Variants in PCDH11X observed in about 807,000 individuals in gnomAD.
PCDH11X encodes the protein protocadherin 11 X-linked.
PCDH11X carries 18 observed loss-of-function variants against 53.3 expected under a neutral mutation model. The ratio of observed to expected loss-of-function variants is 0.34; its 90% CI spans 0.23 to 0.50. PCDH11X has a LOEUF of 0.50. PCDH11X is among the 20% of genes least tolerant of loss of function. The pLI is 0.98. For missense variants in PCDH11X, 570 were observed against 1,032.4 expected (o/e 0.55, Z 6.14); for synonymous variants, 279 against 393.3 (o/e 0.71, Z 3.44).
intron 6 of PCDH11X, among the ~76,000 whole-genome samples, chrX:91,947,846 C>T (rs1444623125): frequency 2.0e-5 from 2 of 102,425 alleles, no homozygotes; most frequent in African/African-American, 7.0e-5. Flanking sequence ...CTCCCAATTA[C>T]CCAAATTTCT....
chrX:92,544,305 G>A (rs1412353554), intron 10 of PCDH11X, among the ~76,000 whole-genome samples: 1 of 111,395 alleles, frequency 9.0e-6, no homozygotes, highest in Non-Finnish European at 1.9e-5. Flanking sequence ...AGTTATGCTT[G>A]GAGAAAATAT....
chrX:92,317,902 C>A (rs958690193), intron 8 of PCDH11X, among the ~76,000 whole-genome samples: 2 of 111,137 alleles, frequency 1.8e-5, no homozygotes, highest in African/African-American at 3.3e-5. Flanking sequence ...ACTTAAAAGA[C>A]CTCAACATAC....
intron 7 of PCDH11X, among the ~76,000 whole-genome samples, chrX:92,202,320 C>T (rs1373910316): frequency 3.6e-5 from 4 of 111,272 alleles, no homozygotes; most frequent in African/African-American, 1.3e-4. Context: ...CAGTTAAATT[C>T]TACCATTTTG....
At position 92,210,670 on chromosome X, in the gene PCDH11X, CTCT is replaced by C. The variant is rs2066569078; in HGVS notation, c.3114+9217_3114+9219del. 3.6e-5 allele frequency among the ~76,000 whole-genome samples: 4 copies of C among 111,803 alleles called. No individual in the cohort carries two copies. In the Admixed American group the frequency reaches 3.8e-4, roughly 11 times the overall value. On this transcript the variant is annotated intron_variant, in intron 7 of 10. Coordinates refer to ENST00000682573, the MANE Select transcript of PCDH11X (RefSeq NM_032968.5). ...CTTTGTTTATGCAAGTGAATATAGG[CTCT>C]TAGAAGCAGCCTGGTCACACCTTGA...
intron 9 of PCDH11X, among the ~76,000 whole-genome samples, chrX:92,408,109 TCCTGA>T: frequency 9.0e-6 from 1 of 110,878 alleles, no homozygotes; most frequent in South Asian, 3.8e-4. Flanking sequence ...GGTCTCGAAC[TCCTGA>T]CCTTGTGATC....
intron 6 of PCDH11X, among the ~76,000 whole-genome samples, chrX:92,030,033 G>C (rs769799711): frequency 1.4e-4 from 16 of 111,914 alleles, no homozygotes; most frequent in Admixed American, 2.8e-4. Flanking sequence ...CACGATCTCG[G>C]CTCACTACAA....
chrX:92,567,035 T>C (rs1372241251), intron 10 of PCDH11X, among the ~76,000 whole-genome samples: 1 of 103,413 alleles, frequency 9.7e-6, no homozygotes, highest in Non-Finnish European at 2.0e-5. Flanking sequence ...AGCCTTGTAG[T>C]ATAGTTTGAA....
chrX:92,049,705 A>G (rs2063339650), intron 6 of PCDH11X, among the ~76,000 whole-genome samples: 1 of 111,622 alleles, frequency 9.0e-6, no homozygotes, highest in Non-Finnish European at 1.9e-5. Flanking sequence ...TTTAGTTATT[A>G]TATTTTTATA....
chrX:92,417,820 A>ATTTTTTT (rs61034265), intron 9 of PCDH11X, among the ~76,000 whole-genome samples: 17 of 67,540 alleles, frequency 2.5e-4, no homozygotes, highest in African/African-American at 4.7e-4. Context: ...CTTTTCTTCC[A>ATTTTTTT]TTTTTTTTTT....
intron 6 of PCDH11X, among the ~76,000 whole-genome samples, chrX:92,048,643 G>A (rs2063326687): frequency 8.9e-6 from 1 of 111,998 alleles, no homozygotes; most frequent in Admixed American, 9.5e-5. Flanking sequence ...AGTGCTACGT[G>A]TTAAATGTCT....
intron 6 of PCDH11X, among the ~76,000 whole-genome samples, chrX:92,006,652 G>T (rs767588274): frequency 8.2e-5 from 9 of 110,166 alleles, no homozygotes; most frequent in African/African-American, 3.0e-4. Flanking sequence ...TGTTTTTCTG[G>T]ATGGTGGTGA....
At chrX:91,954,695 T>G (rs2061686668) in intron 6 of PCDH11X, among the ~76,000 whole-genome samples, 1 of 111,310 alleles carries the variant, frequency 9.0e-6, no homozygotes, top group Admixed American at 9.5e-5. Context: ...TTGACTTGCC[T>G]TTCTCTAATG....
intron 6 of PCDH11X, among the ~76,000 whole-genome samples, chrX:91,997,039 T>C (rs1160936576): frequency 9.9e-6 from 1 of 101,060 alleles, no homozygotes; most frequent in Non-Finnish European, 2.0e-5. Flanking sequence ...TAGTTGTTAG[T>C]ATATAAATTC....
chrX:92,037,905 T>G (rs182882659), intron 6 of PCDH11X, among the ~76,000 whole-genome samples: 2 of 107,790 alleles, frequency 1.9e-5, no homozygotes, highest in African/African-American at 6.7e-5. Context: ...TGTGGGTTTT[T>G]TTTTTTTTTT....
intron 8 of PCDH11X, among the ~76,000 whole-genome samples, chrX:92,288,381 T>C (rs2068425299): frequency 9.2e-6 from 1 of 108,150 alleles, no homozygotes; most frequent in African/African-American, 3.4e-5. Flanking sequence ...AATTTTGAGT[T>C]AGTTACTTCT....
chrX:92,014,373 A>T (rs1024063566), intron 6 of PCDH11X, among the ~76,000 whole-genome samples: 10 of 110,930 alleles, frequency 9.0e-5, no homozygotes, highest in Non-Finnish European at 1.9e-4. Flanking sequence ...ATCATTAAAA[A>T]GTCAGGAAAC....
At chrX:92,285,158 G>A (rs919204367) in intron 8 of PCDH11X, among the ~76,000 whole-genome samples, 9 of 108,255 alleles carry the variant, frequency 8.3e-5, no homozygotes, top group African/African-American at 3.0e-4. Context: ...TATGATATTA[G>A]CAGGCAATAT....
intron 10 of PCDH11X, among the ~76,000 whole-genome samples, chrX:92,533,178 G>A (rs1023864809): frequency 1.8e-4 from 20 of 111,242 alleles, no homozygotes; most frequent in Admixed American, 7.7e-4. Context: ...AGTAAAAAAG[G>A]TAAATTATAG....
intron 6 of PCDH11X, among the ~76,000 whole-genome samples, chrX:92,029,851 A>G (rs904253379): frequency 8.9e-6 from 1 of 112,471 alleles, no homozygotes; most frequent in African/African-American, 3.2e-5. Flanking sequence ...TTACATAAAG[A>G]GAAATATTAA....
Sources: allele counts gnomAD v4.1 joint callset (sites outside exome capture counted in the v4.1 genomes callset), GRCh38; gene constraint gnomAD v4.1.1; transcripts MANE v1.5; gene names NCBI Gene and HGNC (gene_info 2026-07-23, HGNC 2026-07-21).